The following GNPTAB variants were observed in gnomAD, a reference collection of about 807,000 sequenced individuals.
GNPTAB encodes the protein N-acetylglucosamine-1-phosphotransferase subunits alpha/beta.
In GNPTAB, 92 loss-of-function variants were observed where a neutral mutation model predicts 136.6. The observed-to-expected ratio is 0.67, with a 90% CI of 0.57 to 0.80. GNPTAB has a LOEUF of 0.80. Among genes scored for constraint, GNPTAB ranks in the 30% least tolerant of loss-of-function variants. GNPTAB has a pLI of 0.00. For synonymous variants in GNPTAB, 512 were observed against 535.1 expected, an observed-to-expected ratio of 0.96 and a Z score of 0.60; for missense variants, 1,343 against 1,501.8, an observed-to-expected ratio of 0.89 and a Z score of 1.75.
At chr12:101,794,521 C>G (rs111405318) in intron 2 of GNPTAB, among the ~76,000 whole-genome samples, 424 of 151,154 alleles carry the variant, frequency 2.8e-3, no homozygotes, top group African/African-American at 0.01. Context: ...AAAATCTGTA[C>G]AGAAACTAGC....
intron 1 of GNPTAB, among the ~76,000 whole-genome samples, chr12:101,824,549 A>G (rs1254349188): frequency 6.8e-6 from 1 of 148,042 alleles, no homozygotes; most frequent in Non-Finnish European, 1.5e-5. Flanking sequence ...TCACTGCAAC[A>G]TCTGCCTCCA....
chr12:101,789,916 T>TG (rs773872087), intron 3 of GNPTAB, 22 bp downstream of exon 3: 8 of 1,608,518 alleles, frequency 5.0e-6, no homozygotes, highest in East Asian at 4.5e-5. Context: ...CCATCTGATG[T>TG]GAAAAAAAAA....
chr12:101,810,127 C>T (rs1320234465), intron 1 of GNPTAB, among the ~76,000 whole-genome samples: 2 of 151,844 alleles, frequency 1.3e-5, no homozygotes, highest in African/African-American at 4.8e-5. Context: ...TGTGCCTGTA[C>T]ACCCAGCTAC....
At chr12:101,770,910 C>CGTGGG in intron 8 of GNPTAB, 86 bp downstream of exon 8, 2 of 1,234,528 alleles carry the variant, frequency 1.6e-6, no homozygotes, top group Non-Finnish European at 2.4e-6. Context: ...CTGTAAGTCC[C>CGTGGG]CTTCCCTCTT....
intron 14 of GNPTAB, 25 bp downstream of exon 14, chr12:101,761,539 C>G (rs1952994544): frequency 1.2e-6 from 2 of 1,606,278 alleles, no homozygotes; most frequent in Admixed American, 1.7e-5. Context: ...CACAAGCAAA[C>G]AACTCAAACA....
chr12:101,772,028 G>A (rs1012355227), intron 7 of GNPTAB, among the ~76,000 whole-genome samples: 5 of 152,226 alleles, frequency 3.3e-5, no homozygotes, highest in African/African-American at 1.2e-4. Flanking sequence ...GCTTCCATGG[G>A]AAAACTACCT....
In GNPTAB at chr12:101,747,261, A is replaced by T. The variant is rs1952747618; in HGVS notation, c.3694-20T>A. On this transcript the variant is annotated intron_variant, in intron 20 of 20. Transcript: ENST00000299314. ...AATTAACTAAATGATGAAAGACAGA[A>T]AATACATTTTAATTCTCACGTTGAT... is the stretch of plus-strand genomic sequence containing the variant. 7.1e-7 allele frequency: 1 copy of T among 1,400,696 alleles called. No individual in the cohort carries two copies. The highest frequency in any genetic ancestry group is 1.0e-6 in the Non-Finnish European group (1 of 985,632). 86.8% of individuals were successfully genotyped at this position (1,400,696 alleles called of 1,614,324 possible).
rs531368436 is a variant in GNPTAB at position 101,782,418 on chromosome 12, T to C, written c.572-1797A>G. Among the ~76,000 whole-genome samples the C allele has an allele frequency of 6.1e-4, 93 of 152,268 alleles. 2 individuals carry two copies. The South Asian group carries it at 0.018, about 30-fold the overall frequency. On this transcript the variant is annotated intron_variant, in intron 5 of 20. Coordinates refer to ENST00000299314, the MANE Select transcript of GNPTAB (RefSeq NM_024312.5). ...TTTGTGCTTTTAAACAGAAGTAAAGTACGTCGAATAAAAAAGGTGATGATG... is the reference window on the plus strand; with the variant it reads ...TTTGTGCTTTTAAACAGAAGTAAAGCACGTCGAATAAAAAAGGTGATGATG...
intron 8 of GNPTAB, 68 bp downstream of exon 8, chr12:101,770,928 A>T: frequency 7.0e-7 from 1 of 1,428,824 alleles, no homozygotes; most frequent in Non-Finnish European, 9.9e-7. Context: ...CTTCTAATAT[A>T]GTAACTTACA....
chr12:101,811,734 G>A (rs1870248538), intron 1 of GNPTAB, among the ~76,000 whole-genome samples: 1 of 151,464 alleles, frequency 6.6e-6, no homozygotes, highest in South Asian at 2.1e-4. Context: ...TGCCTCCCGG[G>A]TTCAAGTGAT....
At position 101,765,276 on chromosome 12, in the gene GNPTAB, G is replaced by T. The variant is rs925042791; in HGVS notation, c.1641C>A (p.Ile547=). 6.2e-7 allele frequency: 1 copy of T among 1,611,974 alleles called. No individual in the cohort carries two copies. Among genetic ancestry groups the T allele is most frequent in the African/African-American group, 1.3e-5 (1 of 74,814 alleles). ...TATAGTGAGTCTGGTTTGGGAGAAG[G>T]ATCACTTTATACAATTCATGAAAAT... ...QDHFHELYKV[I]LLPNQTHYII... Residue 547 remains isoleucine, a synonymous_variant, in exon 13 of 21, where the codon ATC becomes ATA. Coordinates refer to ENST00000299314, the MANE Select transcript of GNPTAB (RefSeq NM_024312.5).
At chr12:101,790,426 G>C (rs1868920010) in intron 2 of GNPTAB, among the ~76,000 whole-genome samples, 1 of 152,098 alleles carries the variant, frequency 6.6e-6, no homozygotes, top group Admixed American at 6.6e-5. Context: ...AAGGGAGCTG[G>C]GATGCAAATG....
At chr12:101,810,832 T>C (rs1047626112) in intron 1 of GNPTAB, among the ~76,000 whole-genome samples, 1 of 152,026 alleles carries the variant, frequency 6.6e-6, no homozygotes, top group African/African-American at 2.4e-5. Context: ...AGTGAAGTGT[T>C]ACAGCTGAGA....
intron 6 of GNPTAB, 105 bp downstream of exon 6, chr12:101,780,452 G>GATA: frequency 9.3e-7 from 1 of 1,077,802 alleles, no homozygotes; most frequent in Non-Finnish European, 1.4e-6. Flanking sequence ...GCTACCCTTA[G>GATA]ATAAAAAATA....
chr12:101,798,972 C>T (rs914582362), intron 1 of GNPTAB, among the ~76,000 whole-genome samples: 10 of 152,032 alleles, frequency 6.6e-5, no homozygotes, highest in Non-Finnish European at 8.8e-5. Context: ...TGGTTTGACA[C>T]GTACCATAGA....
chr12:101,776,812 T>C (rs752976539), intron 7 of GNPTAB, among the ~76,000 whole-genome samples: 6 of 152,220 alleles, frequency 3.9e-5, no homozygotes, highest in Non-Finnish European at 8.8e-5. Flanking sequence ...GAGATACCCG[T>C]GGCCTAGTGA....
intron 4 of GNPTAB, among the ~76,000 whole-genome samples, chr12:101,786,593 T>C (rs1414227572): frequency 6.6e-6 from 1 of 152,226 alleles, no homozygotes; most frequent in South Asian, 2.1e-4. Context: ...TAGAGTGTCA[T>C]GTTACCAGAT....
At chr12:101,779,688 T>TTC (rs1953310597) in intron 7 of GNPTAB, 1 of 189,360 alleles carries the variant, frequency 5.3e-6, no homozygotes, top group Non-Finnish European at 1.1e-5. Flanking sequence ...CATTTATGAC[T>TTC]TCCCCTCATC....
chr12:101,775,287 C>A lies in GNPTAB; in HGVS notation c.772-4130G>T, dbSNP rs180884381. The stretch of plus-strand genomic sequence containing the variant: ...AAAATCTGTTAGGAAAAAAACCCCA[C>A]GTCTGCTAAGACCAACTGAAAACCA... On this transcript the variant is annotated intron_variant, in intron 7 of 20. Coordinates refer to ENST00000299314, the MANE Select transcript of GNPTAB (RefSeq NM_024312.5). Among the ~76,000 whole-genome samples, 19 of 152,276 alleles carry A rather than the reference C, an allele frequency of 1.2e-4. No individual in the cohort carries two copies. In the East Asian group the frequency reaches 1.7e-3, roughly 14 times the overall value.
Sources: allele counts gnomAD v4.1 joint callset (sites outside exome capture counted in the v4.1 genomes callset), GRCh38; gene constraint gnomAD v4.1.1; transcripts MANE v1.5; gene names NCBI Gene and HGNC (gene_info 2026-07-23, HGNC 2026-07-21).